The following IGSF11 variants were observed in gnomAD, a reference collection of about 807,000 sequenced individuals.
IGSF11 encodes the protein immunoglobulin superfamily member 11.
Under a neutral mutation model 41.0 loss-of-function variants are expected in IGSF11, and 22 were observed. That is an observed-to-expected ratio of 0.54 (90% CI 0.38 to 0.77). IGSF11 has a LOEUF of 0.77. Ranked by LOEUF, IGSF11 falls within the 30% of genes least tolerant of loss-of-function variation. The pLI is 0.00. For missense variants in IGSF11, 444 were observed against 530.8 expected (o/e 0.84, Z 1.61); for synonymous variants, 219 against 201.3 (o/e 1.09, Z -0.74).
At chr3:118,907,480 G>A (rs575608493) in intron 4 of IGSF11, among the ~76,000 whole-genome samples, 10 of 152,260 alleles carry the variant, frequency 6.6e-5, no homozygotes, top group Non-Finnish European at 1.0e-4. Context: ...ATACAGGAGG[G>A]ACATCTAATG....
chr3:119,034,719 AG>A lies in IGSF11; in HGVS notation c.-138del, dbSNP rs1940779717. On this transcript the variant is annotated 5_prime_UTR_variant, in exon 1 of 7. Transcript: ENST00000393775. ...CGCCGGGCCGCTGTTCCCCGCGCAG[AG>A]CTGGGACTGTCAGACCCACAGACGA... 7.3e-7 allele frequency: 1 copy of A among 1,367,474 alleles called. No individual in the cohort carries two copies. Among genetic ancestry groups the A allele is most frequent in the African/African-American group, 1.5e-5 (1 of 65,884 alleles). 84.7% of individuals were successfully genotyped at this position (1,367,474 alleles called of 1,614,324 possible). A position where few individuals can be genotyped will look rare whatever the true frequency, so the allele number is the denominator to read the frequency against.
intron 1 of IGSF11, among the ~76,000 whole-genome samples, chr3:119,140,248 A>G (rs2077625626): frequency 6.6e-6 from 1 of 152,190 alleles, no homozygotes; most frequent in African/African-American, 2.4e-5. Context: ...CTTTAGATCA[A>G]AAGACACAAA....
At chr3:119,032,524 C>T (rs1269620773) in intron 1 of IGSF11, among the ~76,000 whole-genome samples, 1 of 152,148 alleles carries the variant, frequency 6.6e-6, no homozygotes, top group African/African-American at 2.4e-5. Context: ...TATCTTGCCC[C>T]CAACTACTTT....
chr3:119,062,818 G>A (rs543007739), intron 1 of IGSF11, among the ~76,000 whole-genome samples: 1 of 152,214 alleles, frequency 6.6e-6, no homozygotes, highest in African/African-American at 2.4e-5. Context: ...AACATATGCA[G>A]GCCATGATAT....
chr3:119,034,870 G>A (rs1940798066), upstream of IGSF11: 3 of 1,194,222 alleles, frequency 2.5e-6, no homozygotes, highest in Admixed American at 4.4e-5. Flanking sequence ...CGCAGTCCGG[G>A]GAGCCACTCC....
chr3:119,073,837 G>C (rs2076446027), intron 1 of IGSF11, among the ~76,000 whole-genome samples: 1 of 152,252 alleles, frequency 6.6e-6, no homozygotes, highest in Admixed American at 6.5e-5. Context: ...CCAGTCCGGA[G>C]AGGGGCTCCC....
At chr3:119,043,057 G>C (rs1026330334) in intron 1 of IGSF11, among the ~76,000 whole-genome samples, 1 of 152,160 alleles carries the variant, frequency 6.6e-6, no homozygotes, top group Non-Finnish European at 1.5e-5. Context: ...TAGAAGCTGT[G>C]GGTCACAGAA....
intron 1 of IGSF11, among the ~76,000 whole-genome samples, chr3:119,056,777 A>T (rs1941853358): frequency 6.6e-6 from 1 of 152,218 alleles, no homozygotes; most frequent in African/African-American, 2.4e-5. Flanking sequence ...ATCCACCATG[A>T]TCAAGTGGGC....
chr3:119,128,293 G>A (rs923223759), intron 1 of IGSF11, among the ~76,000 whole-genome samples: 3 of 152,104 alleles, frequency 2.0e-5, no homozygotes, highest in African/African-American at 7.2e-5. Flanking sequence ...GGGAGGTGGA[G>A]GTTGCAGTGA....
intron 1 of IGSF11, among the ~76,000 whole-genome samples, chr3:119,136,747 A>G (rs990874571): frequency 1.3e-5 from 2 of 152,172 alleles, no homozygotes; most frequent in African/African-American, 4.8e-5. Flanking sequence ...TCAGCATTGG[A>G]CAGATCTTCC....
At position 119,067,200 on chromosome 3, in the gene IGSF11, C is replaced by CA. The variant is rs1942259945; in HGVS notation, c.49+37943_49+37944insT. On this transcript the variant is annotated intron_variant, in intron 1 of 6. Transcript: ENST00000354673. ...AAGAGTTTCTTCTGTCCTGTACTAGCGTATAGGATGAGTGGTTGGCTGATT... is the reference window on the plus strand; with the variant it reads ...AAGAGTTTCTTCTGTCCTGTACTAGCAGTATAGGATGAGTGGTTGGCTGATT... 3.3e-5 allele frequency among the ~76,000 whole-genome samples: 5 copies of CA among 152,260 alleles called. 1 individual carries two copies. Among genetic ancestry groups the CA allele is most frequent in the East Asian group, 3.9e-4 (2 of 5,176 alleles).
intron 1 of IGSF11, among the ~76,000 whole-genome samples, chr3:118,950,109 A>T (rs1944462452): frequency 6.6e-6 from 1 of 152,218 alleles, no homozygotes. Context: ...CTTCCCATTA[A>T]CCATATAATA....
chr3:119,022,186 T>C (rs1301526446), intron 1 of IGSF11, among the ~76,000 whole-genome samples: 4 of 152,200 alleles, frequency 2.6e-5, no homozygotes. Flanking sequence ...ACACAAAGGA[T>C]AAATTTTGTA....
chr3:118,904,864 A>G, intron 5 of IGSF11, 66 bp from the exon 6 acceptor site: 1 of 1,320,112 alleles, frequency 7.6e-7, no homozygotes, highest in Non-Finnish European at 1.1e-6. Context: ...TACCCATGCA[A>G]CTGTAATAAG....
At chr3:119,037,232 C>A (rs914599909), upstream of IGSF11, among the ~76,000 whole-genome samples, 1 of 152,162 alleles carries the variant, frequency 6.6e-6, no homozygotes, top group African/African-American at 2.4e-5. Flanking sequence ...GTACTAAAGA[C>A]AGAGACAATA....
At chr3:119,065,355 C>T (rs1160618485) in intron 1 of IGSF11, among the ~76,000 whole-genome samples, 3 of 152,012 alleles carry the variant, frequency 2.0e-5, no homozygotes, top group Non-Finnish European at 2.9e-5. Flanking sequence ...GTGAAATCTC[C>T]TGGTCATCAT....
chr3:119,055,008 T>C (rs1176899914), intron 1 of IGSF11, among the ~76,000 whole-genome samples: 1 of 152,172 alleles, frequency 6.6e-6, no homozygotes. Flanking sequence ...GGCAGCAGCA[T>C]TGGCGGTTCA....
intron 1 of IGSF11, among the ~76,000 whole-genome samples, chr3:119,002,591 T>C (rs1937018335): frequency 7.1e-6 from 1 of 141,000 alleles, no homozygotes; most frequent in South Asian, 2.4e-4. Flanking sequence ...TCTTCTAGGG[T>C]TTTTATGGTT....
intron 1 of IGSF11, among the ~76,000 whole-genome samples, chr3:119,083,604 G>A (rs376751096): frequency 2.0e-5 from 3 of 151,952 alleles, no homozygotes; most frequent in African/African-American, 7.2e-5. Flanking sequence ...CCTCATATAT[G>A]ATAGTGGTCC....
Sources: allele counts gnomAD v4.1 joint callset (sites outside exome capture counted in the v4.1 genomes callset), GRCh38; gene constraint gnomAD v4.1.1; transcripts MANE v1.5; gene names NCBI Gene and HGNC (gene_info 2026-07-23, HGNC 2026-07-21).